The following C4orf50 variants were observed in gnomAD, a reference collection of about 807,000 sequenced individuals.
C4orf50 encodes uncharacterized protein C4orf50.
Under a neutral mutation model 77.2 loss-of-function variants are expected in C4orf50, and 80 were observed. That is an observed-to-expected ratio of 1.04 (90% confidence interval 0.87 to 1.25). The LOEUF is 1.25. Among genes scored for constraint, C4orf50 ranks in the 50% most tolerant of loss-of-function variants. C4orf50 has a pLI of 0.00. For synonymous variants in C4orf50, 532 were observed against 465.3 expected (o/e 1.14, Z -1.84); for missense variants, 1,257 against 1,152.9 (o/e 1.09, Z -1.31).
At chr4:5,938,508 C>G (rs1018415134) in intron 7 of C4orf50, among the ~76,000 whole-genome samples, 3 of 152,294 alleles carry the variant, frequency 2.0e-5, no homozygotes, top group African/African-American at 7.2e-5. Flanking sequence ...TGGGGAAAGA[C>G]AAGCCTTCCC....
intron 32 of C4orf50, 57 bp downstream of exon 10, chr4:5,967,357 G>A (rs1314332942): frequency 2.1e-6 from 3 of 1,419,164 alleles, no homozygotes; most frequent in Non-Finnish European, 3.0e-6. Flanking sequence ...ACAGCGTCCT[G>A]CCGGCCTGGA....
chr4:5,998,771 A>G (rs1437664841), intron 25 of C4orf50, among the ~76,000 whole-genome samples: 1 of 152,232 alleles, frequency 6.6e-6, no homozygotes, highest in African/African-American at 2.4e-5. Context: ...TTTGGAGGGC[A>G]AGGTTCATGC....
intron 25 of C4orf50, among the ~76,000 whole-genome samples, chr4:6,004,123 T>TG (rs1560598549): frequency 2.1e-4 from 5 of 23,500 alleles, no homozygotes; most frequent in Admixed American, 8.8e-4. Context: ...ATGATGGTGA[T>TG]AGTGATGATG....
At chr4:5,928,347 T>A (rs1560546184) in intron 7 of C4orf50, among the ~76,000 whole-genome samples, 3 of 134,026 alleles carry the variant, frequency 2.2e-5, no homozygotes, top group African/African-American at 7.7e-5. Flanking sequence ...TCCCCTCTCA[T>A]ACACACACAC....
chr4:5,995,818 A>G (rs2108797108), intron 25 of C4orf50, among the ~76,000 whole-genome samples: 1 of 152,286 alleles, frequency 6.6e-6, no homozygotes, highest in Non-Finnish European at 1.5e-5. Flanking sequence ...AACATTTATT[A>G]GGCTCCTGCT....
At position 5,958,065 on chromosome 4, in the gene C4orf50, C is replaced by T. The variant is rs1472769946; in HGVS notation, c.*1310G>A. The T allele has an allele frequency of 6.6e-6, 1 of 152,194 alleles. No homozygotes were observed. Among genetic ancestry groups the T allele is most frequent in the Middle Eastern group, 3.2e-3 (1 of 316 alleles). 9.4% of individuals were successfully genotyped at this position (152,194 alleles called of 1,614,324 possible). A position where few individuals can be genotyped will look rare whatever the true frequency, so the allele number is the denominator to read the frequency against. ...CCTTCCATGAAGGGACAGTCACTTC[C>T]AGGAGAGGACAGAATTGGACAGGTA... is the stretch of plus-strand genomic sequence containing the variant. On this transcript the variant is annotated 3_prime_UTR_variant, in exon 34 of 34. Coordinates refer to ENST00000531445, the Ensembl canonical transcript of C4orf50. This position sits in a 1 kb window ranked among gnomAD's most constrained non-coding sequence, Gnocchi z 5.4.
intron 7 of C4orf50, among the ~76,000 whole-genome samples, chr4:5,907,286 G>A (rs1482593821): frequency 6.6e-6 from 1 of 152,144 alleles, no homozygotes; most frequent in Non-Finnish European, 1.5e-5. Context: ...GAAGTAACAA[G>A]TACCACAGGG....
chr4:5,996,801 G>A (rs990894649), intron 25 of C4orf50, among the ~76,000 whole-genome samples: 20 of 152,344 alleles, frequency 1.3e-4, no homozygotes, highest in Middle Eastern at 3.4e-3. Context: ...CCTGGGCAGC[G>A]ACATCCTGTC....
intron 26 of C4orf50, among the ~76,000 whole-genome samples, chr4:5,993,212 C>T (rs114483044): frequency 0.012 from 1,822 of 152,304 alleles, 35 homozygotes; most frequent in African/African-American, 0.041. Context: ...TCCACCAAAC[C>T]TTTCTAAGCC....
chr4:5,917,940 A>T (rs1332408827), intron 7 of C4orf50, among the ~76,000 whole-genome samples: 1 of 152,090 alleles, frequency 6.6e-6, no homozygotes, highest in East Asian at 1.9e-4. Flanking sequence ...ATGCAATGAG[A>T]TGCGGCTGGT....
rs748793770 is a variant in C4orf50 at position 5,992,003 on chromosome 4, G to C, written c.1221+800C>G. 6.6e-6 allele frequency among the ~76,000 whole-genome samples: 1 copy of C among 152,166 alleles called. No homozygotes were observed. Among genetic ancestry groups the C allele is most frequent in the Non-Finnish European group, 1.5e-5 (1 of 68,036 alleles). Reference sequence around the variant, plus strand: ...AGAGCACTTGCCCCAGAAAGGTACAGACCTAGAGACCTGGCTTCAATCCTG... The same window carrying C: ...AGAGCACTTGCCCCAGAAAGGTACACACCTAGAGACCTGGCTTCAATCCTG... On this transcript the variant is annotated intron_variant, in intron 27 of 33. Coordinates refer to ENST00000531445, the Ensembl canonical transcript of C4orf50. The surrounding 1 kb of genome is among the most constrained non-coding windows in gnomAD (Gnocchi z 5.0).
At chr4:5,986,959 C>T (rs369833099) in intron 28 of C4orf50, among the ~76,000 whole-genome samples, 3 of 152,124 alleles carry the variant, frequency 2.0e-5, no homozygotes, top group East Asian at 1.9e-4. Context: ...TTGAACTGAA[C>T]AGACTTCATC....
At chr4:6,003,087 C>T (rs1456296459) in intron 25 of C4orf50, among the ~76,000 whole-genome samples, 5 of 152,212 alleles carry the variant, frequency 3.3e-5, no homozygotes, top group Admixed American at 2.6e-4. Context: ...CTCTCAGCTC[C>T]TTGGCCCAGA....
rs1017331448 is a variant in C4orf50 at position 5,908,060 on chromosome 4, CATTT to C, written c.*2475-9876_*2475-9873del. 3.4e-4 allele frequency among the ~76,000 whole-genome samples: 51 copies of C among 152,210 alleles called. No individual in the cohort carries two copies. The highest frequency in any genetic ancestry group is 1.1e-3 in the African/African-American group (47 of 41,528). Reference sequence around the variant, plus strand: ...TGATTCATTCATTCATTCATTCATTCATTTGCTTGTTTATTCATTCACTCATTTA... The same window carrying C: ...TGATTCATTCATTCATTCATTCATTCGCTTGTTTATTCATTCACTCATTTA... On this transcript the variant is annotated intron_variant, in intron 7 of 7. Coordinates refer to the C4orf50 transcript ENST00000324058. This position sits in a 1 kb window ranked among gnomAD's most constrained non-coding sequence, Gnocchi z 5.6.
At position 5,991,902 on chromosome 4, in the gene C4orf50, T is replaced by A. The variant is rs755744348; in HGVS notation, c.1221+901A>T. On this transcript the variant is annotated intron_variant, in intron 27 of 33. Transcript: ENST00000531445. The stretch of plus-strand genomic sequence containing the variant: ...GCTGCCAGTGGGCAGCACCTCGTCC[T>A]CTGTTGTCTTTGCCTTTGTCTGCAA... Among the ~76,000 whole-genome samples, 7 of 152,314 alleles carry A rather than the reference T, an allele frequency of 4.6e-5. No homozygotes were observed. The South Asian group carries it at 6.2e-4, about 14-fold the overall frequency.
At chr4:5,898,172 G>T (rs1716205764) in exon 8 of C4orf50, 1 of 152,154 alleles carries the variant, frequency 6.6e-6, no homozygotes, top group Non-Finnish European at 1.5e-5. Flanking sequence ...GTCCACAGAG[G>T]TTCTACCAAA....
chr4:5,921,768 T>A (rs752328853), intron 7 of C4orf50, among the ~76,000 whole-genome samples: 5 of 152,070 alleles, frequency 3.3e-5, no homozygotes, highest in Non-Finnish European at 7.4e-5. Flanking sequence ...TAAGAAGTAT[T>A]TTTGCACACA....
chr4:5,980,614 T>C (rs746258133), intron 28 of C4orf50, among the ~76,000 whole-genome samples: 2 of 152,058 alleles, frequency 1.3e-5, no homozygotes, highest in African/African-American at 2.4e-5. Flanking sequence ...GTGGTTCTGC[T>C]TGGTTTCCGG....
Position 5,965,161 on chromosome 4 carries a change from C to T in C4orf50, c.4154-16G>A. ...TATGTCTGAGCTGGAAGGGAAAATT[C>T]TCAGTCAAGCCTCCACCCAGGAACC... On this transcript the variant is annotated splice_polypyrimidine_tract_variant and intron_variant, in intron 32 of 33. Coordinates refer to ENST00000531445, the Ensembl canonical transcript of C4orf50. 1.2e-6 allele frequency: 2 copies of T among 1,610,430 alleles called. No individual in the cohort carries two copies. Among genetic ancestry groups the T allele is most frequent in the Non-Finnish European group, 8.5e-7 (1 of 1,178,354 alleles).
Sources: allele counts gnomAD v4.1 joint callset (sites outside exome capture counted in the v4.1 genomes callset), GRCh38; gene constraint gnomAD v4.1.1; non-coding constraint Gnocchi (gnomAD v3.1); transcripts MANE v1.5; gene names NCBI Gene and HGNC (gene_info 2026-07-23, HGNC 2026-07-21).